ATF7: variants seen among roughly 807,000 people sequenced by gnomAD.
ATF7 encodes cyclic AMP-dependent transcription factor ATF-7.
Under a neutral mutation model 50.4 loss-of-function variants are expected in ATF7, and 10 were observed. The ratio of observed to expected loss-of-function variants is 0.20; its 90% CI spans 0.12 to 0.34. The LOEUF (loss-of-function observed/expected upper bound fraction) is 0.34, where lower values mean the gene tolerates loss of function less well. Among genes scored for constraint, ATF7 ranks in the 10% least tolerant of loss-of-function variants. The pLI is 1.00. For missense variants in ATF7, 465 were observed against 613.9 expected (o/e 0.76, Z 2.56); for synonymous variants, 201 against 226.4 (o/e 0.89, Z 1.01).
chr12:53,539,729 T>TGAAA (rs1555217812), intron 4 of ATF7, among the ~76,000 whole-genome samples: 8 of 124,138 alleles, frequency 6.4e-5, no homozygotes, highest in African/African-American at 9.2e-5. Flanking sequence ...AATGAATGAA[T>TGAAA]GAAAAAAAAT....
At chr12:53,537,601 G>C (rs1178184720) in intron 4 of ATF7, 49 bp from the exon 5 acceptor site, 2 of 1,592,942 alleles carry the variant, frequency 1.3e-6, no homozygotes, top group African/African-American at 2.7e-5. Flanking sequence ...ATTCCTTTCA[G>C]GTTGAATCTA....
intron 2 of ATF7, among the ~76,000 whole-genome samples, chr12:53,554,959 C>G (rs376615338): frequency 1.4e-5 from 2 of 147,192 alleles, no homozygotes; most frequent in African/African-American, 5.0e-5. Flanking sequence ...AAAATTTAAC[C>G]AAGAACTTTA....
chr12:53,584,560 T>A (rs576131924), intron 2 of ATF7, among the ~76,000 whole-genome samples: 62 of 152,360 alleles, frequency 4.1e-4, no homozygotes, highest in Non-Finnish European at 6.2e-4. Context: ...AGAAAACTTA[T>A]GTCCACACAA....
downstream of ATF7, among the ~76,000 whole-genome samples, chr12:53,510,248 A>G (rs375842083): frequency 1.3e-5 from 2 of 152,330 alleles, no homozygotes; most frequent in African/African-American, 4.8e-5. Context: ...CATGTTGGTC[A>G]GGCTGGTCTT....
chr12:53,508,665 A>C (rs538368342), downstream of ATF7, among the ~76,000 whole-genome samples: 4 of 152,182 alleles, frequency 2.6e-5, no homozygotes, highest in South Asian at 8.3e-4. Context: ...CTCACTAGAG[A>C]GCACTGCTTC....
chr12:53,523,808 A>G (rs1938264108), intron 10 of ATF7, among the ~76,000 whole-genome samples: 2 of 152,166 alleles, frequency 1.3e-5, no homozygotes, highest in Admixed American at 1.3e-4. Flanking sequence ...ACTACAGAAT[A>G]TACTACTATA....
Position 53,512,916 on chromosome 12 carries a change from G to A in ATF7, c.*4221C>T, listed in dbSNP as rs1944172302. Reference sequence around the variant, plus strand: ...ATCACTTGGAGTGCTTTTAAACCCTGCCCCCAGAGTCTGTGATTCAATAAG... The same window carrying A: ...ATCACTTGGAGTGCTTTTAAACCCTACCCCCAGAGTCTGTGATTCAATAAG... On this transcript the variant is annotated 3_prime_UTR_variant, in exon 12 of 12. Coordinates refer to ENST00000420353, the MANE Select transcript of ATF7 (RefSeq NM_006856.3). 6.6e-6 allele frequency: 1 copy of A among 152,102 alleles called. No homozygotes were observed. Among genetic ancestry groups the A allele is most frequent in the African/African-American group, 2.4e-5 (1 of 41,414 alleles). The allele number at this position is 152,102 out of a possible 1,614,324, so 9.4% of individuals were successfully genotyped here.
intron 1 of ATF7, among the ~76,000 whole-genome samples, chr12:53,616,945 C>CGCAA (rs1944154189): frequency 1.2e-5 from 1 of 80,192 alleles, no homozygotes; most frequent in African/African-American, 5.2e-5. Flanking sequence ...ACTCTGTCTC[C>CGCAA]AAAAAAAAAA....
At chr12:53,603,586 C>T (rs1157883905) in intron 1 of ATF7, among the ~76,000 whole-genome samples, 1 of 151,948 alleles carries the variant, frequency 6.6e-6, no homozygotes, top group East Asian at 1.9e-4. Flanking sequence ...TCTTAAACAC[C>T]CACAATTATT....
chr12:53,586,458 A>G (rs1942684288), intron 2 of ATF7, among the ~76,000 whole-genome samples: 1 of 152,092 alleles, frequency 6.6e-6, no homozygotes, highest in African/African-American at 2.4e-5. Flanking sequence ...CTATAATACT[A>G]TTTACCCATT....
At chr12:53,545,562 C>G (rs191197630) in intron 3 of ATF7, among the ~76,000 whole-genome samples, 7 of 152,154 alleles carry the variant, frequency 4.6e-5, no homozygotes. Context: ...TCTCGAACTC[C>G]CAACCTCAGG....
chr12:53,533,826 AC>A (rs1939048454), intron 6 of ATF7, among the ~76,000 whole-genome samples: 1 of 152,184 alleles, frequency 6.6e-6, no homozygotes, highest in Non-Finnish European at 1.5e-5. Flanking sequence ...AAGACCAAGA[AC>A]CCTAACTGGG....
At chr12:53,605,948 A>G (rs541587868) in intron 1 of ATF7, among the ~76,000 whole-genome samples, 1 of 152,190 alleles carries the variant, frequency 6.6e-6, no homozygotes, top group South Asian at 2.1e-4. Flanking sequence ...GATCCACAAA[A>G]TATTTGCTAT....
At chr12:53,542,907 TTTA>T (rs1939659235) in intron 4 of ATF7, 1 of 1,021,692 alleles carries the variant, frequency 9.8e-7, no homozygotes, top group Non-Finnish European at 1.2e-6. Context: ...TTGATAAATG[TTTA>T]TTGACTTGCT....
intron 3 of ATF7, among the ~76,000 whole-genome samples, chr12:53,552,276 G>A (rs1314433801): frequency 2.0e-5 from 3 of 151,508 alleles, no homozygotes; most frequent in Admixed American, 6.6e-5. Flanking sequence ...AAAGAAAGAC[G>A]GTAATAGACC....
intron 1 of ATF7, among the ~76,000 whole-genome samples, chr12:53,624,030 A>G (rs1944503460): frequency 6.6e-6 from 1 of 152,208 alleles, no homozygotes; most frequent in Admixed American, 6.5e-5. Context: ...GCTAGATGGT[A>G]GCACTAGTGA....
intron 9 of ATF7, among the ~76,000 whole-genome samples, chr12:53,529,231 C>T (rs1474971690): frequency 4.6e-5 from 7 of 152,156 alleles, no homozygotes; most frequent in Admixed American, 2.6e-4. Flanking sequence ...CGGAGTTTCA[C>T]TCTTGTTGCC....
chr12:53,529,885 C>T (rs1168737066), intron 9 of ATF7, among the ~76,000 whole-genome samples: 14 of 150,862 alleles, frequency 9.3e-5, no homozygotes, highest in African/African-American at 2.7e-4. Context: ...GGATTACAGG[C>T]GTGCGCCACC....
intron 1 of ATF7, among the ~76,000 whole-genome samples, chr12:53,613,432 T>G (rs1200463730): frequency 6.6e-6 from 1 of 152,194 alleles, no homozygotes; most frequent in Non-Finnish European, 1.5e-5. Context: ...AATAAATATT[T>G]TAAAAACTTA....
Sources: allele counts gnomAD v4.1 joint callset (sites outside exome capture counted in the v4.1 genomes callset), GRCh38; gene constraint gnomAD v4.1.1; transcripts MANE v1.5; gene names NCBI Gene and HGNC (gene_info 2026-07-23, HGNC 2026-07-21).